MAMDC2: variants seen among roughly 807,000 people sequenced by gnomAD.
MAMDC2 encodes the protein MAM domain containing 2, also known as MAM domain-containing protein 2.
In MAMDC2, 57 loss-of-function variants were observed where a neutral mutation model predicts 89.8. The ratio of observed to expected loss-of-function variants is 0.63; its 90% CI spans 0.51 to 0.79. MAMDC2 has a LOEUF of 0.79. Among genes scored for constraint, MAMDC2 ranks in the 30% least tolerant of loss-of-function variants. The pLI, the probability that MAMDC2 is intolerant of heterozygous loss-of-function variation, is 0.00. For missense variants in MAMDC2, 800 were observed against 820.6 expected, an observed-to-expected ratio of 0.97 and a Z score of 0.31; for synonymous variants, 313 against 293.4, an observed-to-expected ratio of 1.07 and a Z score of -0.68.
intron 2 of MAMDC2, among the ~76,000 whole-genome samples, chr9:70,057,839 A>G (rs1827058791): frequency 6.6e-6 from 1 of 152,200 alleles, no homozygotes; most frequent in South Asian, 2.1e-4. Flanking sequence ...ACCATCTGAG[A>G]TTTCATTTCA....
intron 10 of MAMDC2, 114 bp downstream of exon 10, chr9:70,168,909 C>A: frequency 1.2e-6 from 1 of 848,242 alleles, no homozygotes. Flanking sequence ...CTTTTGTTGA[C>A]AAAGTGTCTC....
At chr9:70,149,422 A>G (rs937765618) in intron 9 of MAMDC2, among the ~76,000 whole-genome samples, 1 of 152,070 alleles carries the variant, frequency 6.6e-6, no homozygotes, top group Non-Finnish European at 1.5e-5. Context: ...TTCTCAAGGA[A>G]GGCCTCAGCT....
At chr9:70,148,658 G>T (rs1324996405) in intron 9 of MAMDC2, among the ~76,000 whole-genome samples, 1 of 149,972 alleles carries the variant, frequency 6.7e-6, no homozygotes, top group African/African-American at 2.5e-5. Flanking sequence ...ACTTTGGGAG[G>T]CCGAGACAGG....
In MAMDC2 at chr9:70,044,224, G is replaced by A; in HGVS notation, c.27G>A (p.Ala9=). The change falls in exon 1 of 14, where the codon GCG becomes GCA. Residue 9 remains alanine (A), a synonymous_variant. Coordinates refer to ENST00000377182, the MANE Select transcript of MAMDC2 (RefSeq NM_153267.5). ...TGCTGTTAAGGGGCGTCCTCCTGGC[G>A]TTGCAAGGTAAGGCCTGGACCCCGG... MLLRGVLL[A]LQALQLAGAL... The A allele has an allele frequency of 6.2e-7, 1 of 1,613,242 alleles. No individual in the cohort carries two copies. Among genetic ancestry groups the A allele is most frequent in the Non-Finnish European group, 8.5e-7 (1 of 1,179,924 alleles).
At chr9:70,104,442 G>A (rs188426905) in intron 2 of MAMDC2, among the ~76,000 whole-genome samples, 36 of 152,200 alleles carry the variant, frequency 2.4e-4, no homozygotes, top group Non-Finnish European at 4.4e-4. Flanking sequence ...CCACTCCTAG[G>A]CATACACCTA....
At chr9:70,196,478 C>T (rs2032977229) in intron 11 of MAMDC2, among the ~76,000 whole-genome samples, 2 of 152,048 alleles carry the variant, frequency 1.3e-5, no homozygotes, top group Non-Finnish European at 2.9e-5. Flanking sequence ...ATTGAGACTA[C>T]ATGAAGACTT....
intron 2 of MAMDC2, among the ~76,000 whole-genome samples, chr9:70,069,459 C>A (rs1182674259): frequency 6.6e-6 from 1 of 152,158 alleles, no homozygotes; most frequent in Non-Finnish European, 1.5e-5. Flanking sequence ...GTGTATCAAA[C>A]AGCCAAGGCT....
chr9:70,081,198 T>A (rs11141566), intron 2 of MAMDC2, among the ~76,000 whole-genome samples: 23,540 of 151,964 alleles, frequency 0.15, 1,847 homozygotes, highest in East Asian at 0.17. Context: ...AAGATTTAAT[T>A]TGGGAGTAGG....
intron 9 of MAMDC2, among the ~76,000 whole-genome samples, chr9:70,166,308 T>TATATACATACAC (rs1383465472): frequency 1.8e-4 from 24 of 132,926 alleles, no homozygotes; most frequent in Non-Finnish European, 1.1e-4. Context: ...CACACACATA[T>TATATACATACAC]ATATATATAC....
chr9:70,103,404 A>G (rs964819541), intron 2 of MAMDC2, among the ~76,000 whole-genome samples: 3 of 152,146 alleles, frequency 2.0e-5, no homozygotes, highest in African/African-American at 7.2e-5. Context: ...AGATCAATAG[A>G]ATCGAATTGA....
intron 9 of MAMDC2, among the ~76,000 whole-genome samples, chr9:70,154,704 G>C (rs1306393294): frequency 6.6e-6 from 1 of 151,280 alleles, no homozygotes; most frequent in Non-Finnish European, 1.5e-5. Context: ...GCAGAGACAG[G>C]GTCTCACTAA....
intron 11 of MAMDC2, among the ~76,000 whole-genome samples, chr9:70,212,391 G>A (rs1793009416): frequency 6.6e-6 from 1 of 152,244 alleles, no homozygotes; most frequent in South Asian, 2.1e-4. Context: ...CGTGTTAGCA[G>A]TGAGCGAGGC....
chr9:70,168,727 G>C lies in MAMDC2; in HGVS notation c.1430G>C (p.Ser477Thr), dbSNP rs768938666. 20 of 1,614,028 alleles carry C rather than the reference G, an allele frequency of 1.2e-5. No homozygotes were observed. In the South Asian group the frequency reaches 2.1e-4, roughly 17 times the overall value. The change falls in exon 10 of 14, where the codon AGT becomes ACT. Residue 477 changes from serine to threonine, a missense_variant. Physicochemically the swap from Ser to Thr is moderately conservative, Grantham distance 58 (BLOSUM62 1). Transcript: ENST00000377182. Reference protein sequence around the residue: ...TKVVFMSLCKSFWDCGLVALD... With the variant: ...TKVVFMSLCKTFWDCGLVALD... Reference sequence around the variant, plus strand: ...GTGGTTTTCATGAGCCTATGCAAAAGTTTCTGGGACTGTGGGCTTGTAGCC... The same window carrying C: ...GTGGTTTTCATGAGCCTATGCAAAACTTTCTGGGACTGTGGGCTTGTAGCC...
intron 11 of MAMDC2, among the ~76,000 whole-genome samples, chr9:70,175,182 C>T (rs1587544521): frequency 6.6e-6 from 1 of 152,072 alleles, no homozygotes; most frequent in Non-Finnish European, 1.5e-5. Context: ...ATCAAAGAGC[C>T]CTGTTAGAGG....
intron 11 of MAMDC2, among the ~76,000 whole-genome samples, chr9:70,207,140 T>C (rs2033243339): frequency 6.6e-6 from 1 of 152,262 alleles, no homozygotes; most frequent in African/African-American, 2.4e-5. Flanking sequence ...TTTGGGTATA[T>C]ACCCAGTAAT....
intron 2 of MAMDC2, among the ~76,000 whole-genome samples, chr9:70,090,284 G>C (rs780202468): frequency 1.1e-4 from 17 of 152,064 alleles, no homozygotes; most frequent in Non-Finnish European, 2.2e-4. Flanking sequence ...ACCAGCCTTG[G>C]CAACACAGTG....
intron 5 of MAMDC2, among the ~76,000 whole-genome samples, chr9:70,119,631 G>C: frequency 6.6e-6 from 1 of 152,200 alleles, no homozygotes; most frequent in East Asian, 1.9e-4. Context: ...ATTAGATGCA[G>C]TCAAGTCACA....
rs904158394 is a variant in MAMDC2 at position 70,044,660 on chromosome 9, C to T, written c.111C>T (p.Ser37=). 5 of 1,551,676 alleles carry T rather than the reference C, an allele frequency of 3.2e-6. No homozygotes were observed. The East Asian group carries it at 7.3e-5, about 23-fold the overall frequency. The change falls in exon 2 of 14, where the codon TCC becomes TCT. Residue 37 remains serine (S), a synonymous_variant. Transcript: ENST00000377182. ...AFEESTCGFD[S]VLASLPWILN... is the part of the protein sequence containing the mutation. Reference sequence around the variant, plus strand: ...AAGAGAGCACTTGCGGCTTTGACTCCGTGTTGGCCTCTCTGCCGTGGATTT... The same window carrying T: ...AAGAGAGCACTTGCGGCTTTGACTCTGTGTTGGCCTCTCTGCCGTGGATTT...
chr9:70,072,370 G>A (rs190365630), intron 2 of MAMDC2, among the ~76,000 whole-genome samples: 1 of 152,312 alleles, frequency 6.6e-6, no homozygotes, highest in African/African-American at 2.4e-5. Context: ...GAGTCTGGCT[G>A]AGGCTTCTTT....
Sources: gnomAD v4.1 joint callset for allele counts (sites outside exome capture counted in the v4.1 genomes callset) on GRCh38, gnomAD v4.1.1 for gene constraint, MANE v1.5 for transcripts, NCBI Gene and HGNC (gene_info 2026-07-23, HGNC 2026-07-21) for gene names.